The following SPHKAP variants were observed in gnomAD, a reference collection of about 807,000 sequenced individuals.
SPHKAP encodes the protein SPHK1 interactor, AKAP domain containing.
Under a neutral mutation model 137.5 loss-of-function variants are expected in SPHKAP, and 67 were observed. The ratio of observed to expected loss-of-function variants is 0.49; its 90% CI spans 0.40 to 0.60. SPHKAP has a LOEUF of 0.60. SPHKAP is among the 20% of genes least tolerant of loss of function. The probability of loss-of-function intolerance (pLI) is 0.00; values close to 1 mark genes in which losing one functional copy is unlikely to be tolerated. For missense variants in SPHKAP, 2,097 were observed against 2,069.3 expected (o/e 1.01, Z -0.26); for synonymous variants, 813 against 785.3 (o/e 1.04, Z -0.59).
intron 2 of SPHKAP, among the ~76,000 whole-genome samples, chr2:228,121,027 A>G (rs1014742183): frequency 4.6e-5 from 7 of 152,232 alleles, no homozygotes; most frequent in Admixed American, 1.3e-4. Context: ...GAAGGAAAAT[A>G]TAAGAAGAAA....
chr2:228,132,215 C>A, intron 1 of SPHKAP, 130 bp from the exon 2 acceptor site: 1 of 764,158 alleles, frequency 1.3e-6, no homozygotes, highest in Non-Finnish European at 2.2e-6. Flanking sequence ...CACTGCAAAT[C>A]CCCCTGCTGA....
intron 3 of SPHKAP, among the ~76,000 whole-genome samples, chr2:228,091,831 T>C (rs1210244152): frequency 6.6e-6 from 1 of 152,138 alleles, no homozygotes; most frequent in Non-Finnish European, 1.5e-5. Context: ...GAATGTGAAC[T>C]AGTACAACCA....
At chr2:228,068,435 C>T (rs917137386) in intron 3 of SPHKAP, among the ~76,000 whole-genome samples, 2 of 151,442 alleles carry the variant, frequency 1.3e-5, no homozygotes, top group African/African-American at 4.8e-5. Context: ...CCATCCTGAA[C>T]CAAAAGAACA....
intron 2 of SPHKAP, among the ~76,000 whole-genome samples, chr2:228,129,636 GTGAAA>G (rs1699184023): frequency 6.6e-6 from 1 of 151,852 alleles, no homozygotes; most frequent in African/African-American, 2.4e-5. Flanking sequence ...AGAAATAATT[GTGAAA>G]TGAGTCAGAT....
At chr2:228,026,012 C>T in intron 4 of SPHKAP, 1 of 243,002 alleles carries the variant, frequency 4.1e-6, no homozygotes. Flanking sequence ...GTCTCTCCTG[C>T]ACTGTTCTTG....
intron 3 of SPHKAP, among the ~76,000 whole-genome samples, chr2:228,078,380 CTTTTTTTT>C (rs11322966): frequency 7.8e-6 from 1 of 128,196 alleles, no homozygotes; most frequent in African/African-American, 2.9e-5. Flanking sequence ...TGTTGGCAGA[CTTTTTTTT>C]TTTTTTTTTT....
Position 228,018,689 on chromosome 2 carries a change from T to C in SPHKAP, c.2165A>G (p.Lys722Arg), listed in dbSNP as rs753885631. ...AAGCCGTACAATATGACTCATCTTC[T>C]TGAACGTGAAGCATATCACATCTAA... ...LLLDVICFTF[K>R]KMSHIVRLGE... The change falls in exon 7 of 12, where the codon AAG (lysine) becomes AGG (arginine). Residue 722 changes from lysine to arginine, a missense_variant. Physicochemically the swap from Lys to Arg is conservative, Grantham distance 26. Coordinates refer to ENST00000392056, the MANE Select transcript of SPHKAP (RefSeq NM_001142644.2). 2 of 1,614,110 alleles carry C rather than the reference T, an allele frequency of 1.2e-6. No homozygotes were observed. Among genetic ancestry groups the C allele is most frequent in the African/African-American group, 2.7e-5 (2 of 74,936 alleles).
At chr2:227,985,696 C>A (rs998596617) in intron 11 of SPHKAP, among the ~76,000 whole-genome samples, 2 of 152,178 alleles carry the variant, frequency 1.3e-5, no homozygotes, top group Non-Finnish European at 2.9e-5. Flanking sequence ...GGTATATCAT[C>A]TGTAGACTCA....
rs1266938141 is a variant in SPHKAP at position 228,132,063 on chromosome 2, A to T, written c.55T>A (p.Tyr19Asn). 6.2e-7 allele frequency: 1 copy of T among 1,613,976 alleles called. No homozygotes were observed. The highest frequency in any genetic ancestry group is 1.7e-5 in the Admixed American group (1 of 60,018). ...CCCTGCTGCGGTTCCAAAACGTCATACATCCGTGATGACTCCAAGTTGCTG... is the reference window on the plus strand; with the variant it reads ...CCCTGCTGCGGTTCCAAAACGTCATTCATCCGTGATGACTCCAAGTTGCTG... Reference protein sequence around the residue: ...VPSNLESSRMYDVLEPQQGRG... With the variant: ...VPSNLESSRMNDVLEPQQGRG... The change falls in exon 2 of 12, where the codon TAT becomes AAT. Residue 19 changes from tyrosine to asparagine, a missense_variant. Coordinates refer to ENST00000392056, the MANE Select transcript of SPHKAP (RefSeq NM_001142644.2).
chr2:228,175,727 AAG>A (rs1408240797), intron 1 of SPHKAP, among the ~76,000 whole-genome samples: 3 of 152,232 alleles, frequency 2.0e-5, no homozygotes, highest in African/African-American at 7.2e-5. Context: ...CAATTAAAAA[AAG>A]AGATTTTTAG....
chr2:228,153,779 T>C (rs1700011298), intron 1 of SPHKAP, among the ~76,000 whole-genome samples: 1 of 152,210 alleles, frequency 6.6e-6, no homozygotes, highest in Admixed American at 6.5e-5. Flanking sequence ...AATAATTTTG[T>C]CATATTTCTG....
chr2:228,063,158 A>ATCTG (rs1204770006), intron 3 of SPHKAP, among the ~76,000 whole-genome samples: 12 of 140,492 alleles, frequency 8.5e-5, no homozygotes, highest in African/African-American at 3.6e-4. Context: ...CTATCTATCT[A>ATCTG]TCTATCTATC....
intron 1 of SPHKAP, among the ~76,000 whole-genome samples, chr2:228,173,720 C>A (rs1037251074): frequency 6.6e-6 from 1 of 152,214 alleles, no homozygotes; most frequent in African/African-American, 2.4e-5. Context: ...CCATGTCAGA[C>A]TTCTGACCTA....
intron 7 of SPHKAP, among the ~76,000 whole-genome samples, chr2:228,015,263 A>G (rs1028963788): frequency 6.6e-6 from 1 of 151,596 alleles, no homozygotes. Context: ...TCATTTTTTT[A>G]TGGCTGCATA....
Position 228,018,106 on chromosome 2 carries a change from AAGC to A in SPHKAP, c.2745_2747del (p.Leu916del). 1 of 1,614,128 alleles carries A rather than the reference AAGC, an allele frequency of 6.2e-7. No homozygotes were observed. Among genetic ancestry groups the A allele is most frequent in the Non-Finnish European group, 8.5e-7 (1 of 1,180,024 alleles). On this transcript the variant is annotated inframe_deletion, in exon 7 of 12. Coordinates refer to ENST00000392056, the MANE Select transcript of SPHKAP (RefSeq NM_001142644.2). ...AGTAGATGTCTGGATGCTTTGTTTG[AAGC>A]GTGGATTGAGCAGGAAGCAGCAGGT...
rs139001039 is a variant in SPHKAP at position 227,995,261 on chromosome 2, G to A, written c.4634+248C>T. On this transcript the variant is annotated intron_variant, in intron 8 of 11. Transcript: ENST00000392056. ...TTGTCATCATTGAATGTTCTAGCTGGGGCTTGCAGGGAAGGGAACACAGCT... is the reference window on the plus strand; with the variant it reads ...TTGTCATCATTGAATGTTCTAGCTGAGGCTTGCAGGGAAGGGAACACAGCT... Among the ~76,000 whole-genome samples, 519 of 152,292 alleles carry A rather than the reference G, an allele frequency of 3.4e-3. 2 individuals are homozygous for A. Among genetic ancestry groups the A allele is most frequent in the South Asian group, 8.7e-3 (42 of 4,826 alleles).
chr2:228,080,222 T>C (rs763681694), intron 3 of SPHKAP, among the ~76,000 whole-genome samples: 3 of 152,160 alleles, frequency 2.0e-5, no homozygotes, highest in Non-Finnish European at 2.9e-5. Context: ...TTGCAGATCA[T>C]GCGTCTAATG....
chr2:228,153,748 T>A (rs1359947379), intron 1 of SPHKAP, among the ~76,000 whole-genome samples: 2 of 152,192 alleles, frequency 1.3e-5, no homozygotes, highest in Non-Finnish European at 2.9e-5. Context: ...ATTTTAGTCA[T>A]TTTCAGCAAG....
At chr2:228,025,093 C>T (rs1694983444) in intron 5 of SPHKAP, among the ~76,000 whole-genome samples, 1 of 152,116 alleles carries the variant, frequency 6.6e-6, no homozygotes, top group African/African-American at 2.4e-5. Flanking sequence ...TTTTGTTTAT[C>T]CAGTAGATTT....
Sources: allele counts gnomAD v4.1 joint callset (sites outside exome capture counted in the v4.1 genomes callset), GRCh38; gene constraint gnomAD v4.1.1; transcripts MANE v1.5; gene names NCBI Gene and HGNC (gene_info 2026-07-23, HGNC 2026-07-21).